LCLAT1: variants seen among roughly 807,000 people sequenced by gnomAD.
LCLAT1 encodes the protein 1-AGP acyltransferase 8.
In LCLAT1, 11 loss-of-function variants were observed where a neutral mutation model predicts 30.7. That is an observed-to-expected ratio of 0.36 (90% CI 0.23 to 0.59). LCLAT1 has a LOEUF of 0.59. Among genes scored for constraint, LCLAT1 ranks in the 20% least tolerant of loss-of-function variants. The probability of loss-of-function intolerance (pLI) is 0.77; values close to 1 mark genes in which losing one functional copy is unlikely to be tolerated. For synonymous variants in LCLAT1, 155 were observed against 151.3 expected (o/e 1.02, Z -0.18); for missense variants, 402 against 458.6 (o/e 0.88, Z 1.13).
intron 5 of LCLAT1, among the ~76,000 whole-genome samples, chr2:30,597,080 G>T (rs1434471162): frequency 6.8e-6 from 1 of 146,492 alleles, no homozygotes; most frequent in Non-Finnish European, 1.5e-5. Context: ...GTAATGTGAT[G>T]CCTCCAGCTG....
chr2:30,525,455 A>T lies in LCLAT1; in HGVS notation c.-4-132A>T, dbSNP rs829618. The T allele has an allele frequency of 2.0e-4, 138 of 678,904 alleles. No homozygotes were observed. The Middle Eastern group carries it at 6.7e-3, about 33-fold the overall frequency. 42.1% of individuals were successfully genotyped at this position (678,904 alleles called of 1,614,324 possible). On this transcript the variant is annotated intron_variant, in intron 1 of 5. Transcript: ENST00000379509. ...GGAGGGTCACCTCTTTGAAATTCAG[A>T]CTCTTATATTGTTTCTTAGAGCCTT...
chr2:30,497,270 A>C (rs542906345), intron 1 of LCLAT1, among the ~76,000 whole-genome samples: 1 of 152,184 alleles, frequency 6.6e-6, no homozygotes, highest in African/African-American at 2.4e-5. Context: ...GAGAAGTGCC[A>C]TCCCCAATAA....
chr2:30,521,489 CTTCTTTTTTTTTTTTTTTTTTTTTT>C (rs1685472792), intron 1 of LCLAT1, among the ~76,000 whole-genome samples: 1 of 55,560 alleles, frequency 1.8e-5, no homozygotes, highest in Non-Finnish European at 3.2e-5. Flanking sequence ...TAAACTACTT[CTTCTTTTTTTTTTTTTTTTTTTTTT>C]TTTTTTTTTT....
intron 3 of LCLAT1, among the ~76,000 whole-genome samples, chr2:30,555,693 G>A (rs1481690155): frequency 6.6e-6 from 1 of 152,042 alleles, no homozygotes; most frequent in Non-Finnish European, 1.5e-5. Flanking sequence ...TTAACCCAAT[G>A]TTGATAGAAT....
chr2:30,478,070 TAA>T (rs79364091), intron 1 of LCLAT1, among the ~76,000 whole-genome samples: 237 of 114,878 alleles, frequency 2.1e-3, no homozygotes, highest in African/African-American at 6.0e-3. Flanking sequence ...AGTGAGGGAT[TAA>T]AAAAAAAAAA....
intron 4 of LCLAT1, among the ~76,000 whole-genome samples, chr2:30,563,447 C>T (rs1367158083): frequency 6.6e-6 from 1 of 152,124 alleles, no homozygotes; most frequent in Non-Finnish European, 1.5e-5. Flanking sequence ...GAAAGTATTT[C>T]TGTAGAATCT....
intron 3 of LCLAT1, among the ~76,000 whole-genome samples, chr2:30,534,305 G>C (rs1686133995): frequency 6.7e-6 from 1 of 150,366 alleles, no homozygotes. Context: ...CTGTCGCTCA[G>C]GCTGGAGTGC....
intron 5 of LCLAT1, among the ~76,000 whole-genome samples, chr2:30,632,743 A>G (rs1449500431): frequency 6.6e-6 from 1 of 152,252 alleles, no homozygotes; most frequent in African/African-American, 2.4e-5. Flanking sequence ...CTACGAGGGT[A>G]GGGACTATTG....
At chr2:30,605,204 G>A (rs1572687459) in intron 5 of LCLAT1, among the ~76,000 whole-genome samples, 1 of 152,200 alleles carries the variant, frequency 6.6e-6, no homozygotes, top group East Asian at 1.9e-4. Flanking sequence ...GAGACTACTT[G>A]CTAACCTAAA....
At chr2:30,578,709 C>T (rs1049011233) in intron 5 of LCLAT1, among the ~76,000 whole-genome samples, 1 of 152,092 alleles carries the variant, frequency 6.6e-6, no homozygotes, top group Non-Finnish European at 1.5e-5. Context: ...GAAGATCTAC[C>T]AACTTGACCA....
chr2:30,532,801 A>G (rs1039395272), intron 2 of LCLAT1, among the ~76,000 whole-genome samples: 2 of 152,000 alleles, frequency 1.3e-5, no homozygotes, highest in African/African-American at 4.8e-5. Context: ...TTACATATCT[A>G]TATCCTTAAA....
intron 5 of LCLAT1, among the ~76,000 whole-genome samples, chr2:30,638,401 C>T (rs1474586763): frequency 6.6e-6 from 1 of 152,318 alleles, no homozygotes; most frequent in Non-Finnish European, 1.5e-5. Flanking sequence ...ATGTGTCACC[C>T]AGAAAATTTC....
Position 30,523,599 on chromosome 2 carries a change from GT to G in LCLAT1, c.-4-1987del, listed in dbSNP as rs566859321. ...ATTTAAAAATAGTCGGCTGGGCACA[GT>G]GGCTTACGCCTGTAATCCCAGCATT... On this transcript the variant is annotated intron_variant, in intron 1 of 5. Transcript: ENST00000379509. Among the ~76,000 whole-genome samples, 22 of 152,366 alleles carry G rather than the reference GT, an allele frequency of 1.4e-4. No individual in the cohort carries two copies. The East Asian group carries it at 4.2e-3, about 29-fold the overall frequency.
intron 1 of LCLAT1, among the ~76,000 whole-genome samples, chr2:30,479,333 G>A (rs550097852): frequency 1.3e-5 from 2 of 151,956 alleles, no homozygotes; most frequent in East Asian, 3.9e-4. Context: ...GGGTTCAAGT[G>A]ATCCTCCTGC....
intron 1 of LCLAT1, among the ~76,000 whole-genome samples, chr2:30,454,924 T>G (rs916950125): frequency 6.6e-6 from 1 of 152,204 alleles, no homozygotes; most frequent in Non-Finnish European, 1.5e-5. Flanking sequence ...AATTTATTTA[T>G]GGTAGTAATG....
At chr2:30,592,080 C>T (rs1200896548) in intron 5 of LCLAT1, among the ~76,000 whole-genome samples, 1 of 152,168 alleles carries the variant, frequency 6.6e-6, no homozygotes, top group Non-Finnish European at 1.5e-5. Flanking sequence ...ACTTACTAAG[C>T]ACTCCATATA....
intron 5 of LCLAT1, among the ~76,000 whole-genome samples, chr2:30,586,843 C>A (rs1666464751): frequency 6.6e-6 from 1 of 152,112 alleles, no homozygotes; most frequent in African/African-American, 2.4e-5. Context: ...GAAAAAAAGA[C>A]TTAAAAAAAA....
intron 5 of LCLAT1, among the ~76,000 whole-genome samples, chr2:30,636,967 A>AT: frequency 6.6e-6 from 1 of 152,204 alleles, no homozygotes; most frequent in Non-Finnish European, 1.5e-5. Context: ...ACTGATGAAG[A>AT]CCTGTAATCC....
chr2:30,521,489 C>CTTTTTTTTTTTTTTTTTTTTTTTTTTTTT (rs1262784785), intron 1 of LCLAT1, among the ~76,000 whole-genome samples: 2 of 55,558 alleles, frequency 3.6e-5, no homozygotes, highest in African/African-American at 8.2e-5. Context: ...TAAACTACTT[C>CTTTTTTTTTTTTTTTTTTTTTTTTTTTTT]TTCTTTTTTT....
Sources: allele counts gnomAD v4.1 joint callset (sites outside exome capture counted in the v4.1 genomes callset), GRCh38; gene constraint gnomAD v4.1.1; transcripts MANE v1.5; gene names NCBI Gene and HGNC (gene_info 2026-07-23, HGNC 2026-07-21).